Variants in ANXA2 observed in about 807,000 individuals in gnomAD.
ANXA2 encodes annexin II.
ANXA2 carries 28 observed loss-of-function variants against 47.3 expected under a neutral mutation model. The observed-to-expected ratio is 0.59, with a 90% CI of 0.44 to 0.81. The LOEUF is 0.81. ANXA2 is among the 40% of genes least tolerant of loss of function. ANXA2 has a pLI of 0.00. For missense variants in ANXA2, 384 were observed against 414.3 expected, an observed-to-expected ratio of 0.93 and a Z score of 0.64; for synonymous variants, 172 against 155.5, an observed-to-expected ratio of 1.11 and a Z score of -0.79.
intron 1 of ANXA2, among the ~76,000 whole-genome samples, chr15:60,394,009 A>T (rs2063048981): frequency 1.3e-5 from 2 of 152,092 alleles, no homozygotes; most frequent in South Asian, 2.1e-4. Flanking sequence ...GTGCATTCAG[A>T]GTTGGAGGCT....
intron 1 of ANXA2, chr15:60,396,155 G>C (rs1031950687): frequency 2.0e-5 from 3 of 151,964 alleles, no homozygotes; most frequent in African/African-American, 7.3e-5. Flanking sequence ...GCTCACATTG[G>C]CCTTGGACTC....
At chr15:60,359,394 T>A (rs2062479007) in intron 5 of ANXA2, among the ~76,000 whole-genome samples, 1 of 152,212 alleles carries the variant, frequency 6.6e-6, no homozygotes, top group South Asian at 2.1e-4. Flanking sequence ...GGCTGACTCA[T>A]CCCTGCCTCC....
intron 1 of ANXA2, chr15:60,392,995 A>C: frequency 1.6e-6 from 2 of 1,272,016 alleles, no homozygotes; most frequent in African/African-American, 1.5e-5. Flanking sequence ...TTCCCACTGT[A>C]CTCCATCCTC....
At chr15:60,357,933 A>G (rs1464671993) in intron 5 of ANXA2, among the ~76,000 whole-genome samples, 3 of 152,210 alleles carry the variant, frequency 2.0e-5, no homozygotes, top group African/African-American at 4.8e-5. Context: ...ATAACCACTC[A>G]CTATTTTAAC....
At chr15:60,362,356 T>A (rs987453348) in intron 4 of ANXA2, among the ~76,000 whole-genome samples, 1 of 152,232 alleles carries the variant, frequency 6.6e-6, no homozygotes, top group Admixed American at 6.5e-5. Context: ...CAACTTCCTG[T>A]TTCTCACAAT....
At chr15:60,383,408 CGTG>C (rs2062890326) in intron 2 of ANXA2, 2 of 152,464 alleles carry the variant, frequency 1.3e-5, no homozygotes, top group African/African-American at 4.8e-5. Flanking sequence ...GGATTACAGG[CGTG>C]GTGGCTCACG....
intron 3 of ANXA2, among the ~76,000 whole-genome samples, chr15:60,377,717 T>C (rs976029431): frequency 4.6e-5 from 7 of 152,178 alleles, no homozygotes; most frequent in Non-Finnish European, 1.0e-4. Flanking sequence ...ATCTACACAG[T>C]GCAGTAAAGG....
intron 1 of ANXA2, among the ~76,000 whole-genome samples, chr15:60,392,247 A>C (rs147355211): frequency 2.0e-3 from 309 of 152,364 alleles, no homozygotes; most frequent in African/African-American, 6.9e-3. Flanking sequence ...AAGGCTGATC[A>C]TTAATGAAAT....
At chr15:60,393,699 C>T in intron 1 of ANXA2, 3 of 984,940 alleles carry the variant, frequency 3.0e-6, no homozygotes, top group Non-Finnish European at 3.6e-6. Flanking sequence ...CTCACACACC[C>T]CTCCTTGCCC....
At chr15:60,348,943 A>T (rs1293676200) in intron 12 of ANXA2, 132 bp downstream of exon 12, 1 of 985,158 alleles carries the variant, frequency 1.0e-6, no homozygotes, top group Non-Finnish European at 1.5e-6. Context: ...CTGATAGTTG[A>T]TGACTAGCAT....
chr15:60,392,618 G>C (rs2063028519), intron 1 of ANXA2, among the ~76,000 whole-genome samples: 1 of 152,144 alleles, frequency 6.6e-6, no homozygotes, highest in South Asian at 2.1e-4. Context: ...ACTAAATTAA[G>C]AACCAGTTCC....
At chr15:60,349,300 T>C in intron 11 of ANXA2, 103 bp from the exon 12 acceptor site, 2 of 1,395,092 alleles carry the variant, frequency 1.4e-6, no homozygotes, top group South Asian at 1.3e-5. Context: ...AAATCTAAAA[T>C]GCTCCAAAAT....
intron 1 of ANXA2, among the ~76,000 whole-genome samples, chr15:60,391,698 A>T (rs2063013340): frequency 6.6e-6 from 1 of 152,236 alleles, no homozygotes; most frequent in African/African-American, 2.4e-5. Context: ...AATAAAAAAT[A>T]AAGCCTACAT....
chr15:60,364,444 C>T lies in ANXA2; in HGVS notation c.228G>A (p.Gln76=). 1 of 1,611,802 alleles carries T rather than the reference C, an allele frequency of 6.2e-7. No homozygotes were observed. Among genetic ancestry groups the T allele is most frequent in the Non-Finnish European group, 8.5e-7 (1 of 1,179,462 alleles). The change falls in exon 4 of 13, where the codon CAG becomes CAA. Residue 76 remains glutamine (Q), a synonymous_variant. Transcript: ENST00000451270. ...AQRQDIAFAY[Q]RRTKKELASA... ...TTGCCTGTACCTTTTTGGTCCTTCTCTGGTAGGCGAAGGCAATATCCTGTC... is the reference window on the plus strand; with the variant it reads ...TTGCCTGTACCTTTTTGGTCCTTCTTTGGTAGGCGAAGGCAATATCCTGTC...
At position 60,366,246 on chromosome 15, in the gene ANXA2, G is replaced by T. The variant is rs994721551; in HGVS notation, c.149-1723C>A. 5.3e-3 allele frequency among the ~76,000 whole-genome samples: 796 copies of T among 151,396 alleles called. 7 individuals are homozygous for T. Among genetic ancestry groups the T allele is most frequent in the African/African-American group, 0.018 (759 of 41,232 alleles). ...CTTGGCCTCCCAAAGAGCCCAGATT[G>T]CAGCCTCTGCCCGGCCGCCACCCCG... On this transcript the variant is annotated intron_variant, in intron 3 of 12. Transcript: ENST00000451270.
At chr15:60,395,319 T>A (rs2063067799) in intron 1 of ANXA2, among the ~76,000 whole-genome samples, 2 of 152,236 alleles carry the variant, frequency 1.3e-5, no homozygotes, top group African/African-American at 4.8e-5. Flanking sequence ...CTAGTGCTCA[T>A]AACTATGAGT....
chr15:60,373,180 G>A (rs2062732881), intron 3 of ANXA2, among the ~76,000 whole-genome samples: 1 of 152,224 alleles, frequency 6.6e-6, no homozygotes, highest in African/African-American at 2.4e-5. Context: ...GTCAACACGT[G>A]TAGAGAACTG....
chr15:60,393,011 A>C, intron 1 of ANXA2: 2 of 1,282,784 alleles, frequency 1.6e-6, no homozygotes, highest in Non-Finnish European at 2.0e-6. Flanking sequence ...TCCTCCACCC[A>C]CCTACTGCAT....
At chr15:60,365,843 CCT>C in intron 3 of ANXA2, among the ~76,000 whole-genome samples, 1 of 77,424 alleles carries the variant, frequency 1.3e-5, no homozygotes, top group African/African-American at 6.0e-5. Context: ...TCTCCCTCTC[CCT>C]CTCCCCCTCC....
Sources: allele counts gnomAD v4.1 joint callset (sites outside exome capture counted in the v4.1 genomes callset), GRCh38; gene constraint gnomAD v4.1.1; transcripts MANE v1.5; gene names NCBI Gene and HGNC (gene_info 2026-07-23, HGNC 2026-07-21).